Variants in CBL observed in about 807,000 individuals in gnomAD.
CBL encodes E3 ubiquitin-protein ligase CBL.
A neutral mutation model predicts 96.9 loss-of-function variants in CBL; 45 were observed. That is an observed-to-expected ratio of 0.46 (90% CI 0.37 to 0.60). CBL has a LOEUF of 0.60. Ranked by LOEUF, CBL falls within the 20% of genes least tolerant of loss-of-function variation. The pLI is 0.00. For missense variants in CBL, 1,024 were observed against 1,143.5 expected (o/e 0.90, Z 1.51); for synonymous variants, 420 against 426.8 (o/e 0.98, Z 0.20).
chr11:119,282,322 G>A (rs913219930), intron 9 of CBL, among the ~76,000 whole-genome samples: 61 of 148,892 alleles, frequency 4.1e-4, no homozygotes, highest in African/African-American at 1.4e-3. Flanking sequence ...TGGGCAACAA[G>A]AGTGAGACTC....
intron 1 of CBL, among the ~76,000 whole-genome samples, chr11:119,227,069 T>C (rs1214153275): frequency 6.6e-6 from 1 of 152,226 alleles, no homozygotes; most frequent in African/African-American, 2.4e-5. Flanking sequence ...GACTTTATGA[T>C]GGTGCAAAAG....
Position 119,252,885 on chromosome 11 carries a change from A to G in CBL, c.444-18850A>G, listed in dbSNP as rs571630618. The stretch of plus-strand genomic sequence containing the variant: ...AGTAAAAGTGAAACTCCATCTCAAG[A>G]AAAAAAAAAAAAAAAGATTAAAAAA... On this transcript the variant is annotated intron_variant, in intron 2 of 15. Transcript: ENST00000264033. 2.3e-3 allele frequency among the ~76,000 whole-genome samples: 315 copies of G among 135,980 alleles called. 1 individual carries two copies. Among genetic ancestry groups the G allele is most frequent in the Non-Finnish European group, 3.6e-3 (231 of 64,022 alleles). The allele number at this position is 135,980 out of a possible 152,430, so 89.2% of individuals were successfully genotyped here. A position where few individuals can be genotyped will look rare whatever the true frequency, so the allele number is the denominator to read the frequency against.
rs2135244100 is a variant in CBL at position 119,206,494 on chromosome 11, T to C, written c.77T>C (p.Ile26Thr). The C allele has an allele frequency of 6.4e-7, 1 of 1,570,428 alleles. No individual in the cohort carries two copies. The highest frequency in any genetic ancestry group is 8.6e-7 in the Non-Finnish European group (1 of 1,160,204). ...GSGGSGSGGLIGLMKDAFQPH... is the reference protein window; with the variant it reads ...GSGGSGSGGLTGLMKDAFQPH... ...GGGGGCTCGGGTTCGGGTGGCCTGA[T>C]TGGGCTCATGAAGGACGCCTTCCAG... Residue 26 changes from isoleucine (I) to threonine (T), a missense_variant, in exon 1 of 16, where the codon ATT (isoleucine) becomes ACT (threonine). Around this residue, in one of 4 missense-constraint regions of CBL, gnomAD observed 114 missense variants for 117.4 expected, o/e 0.97. Transcript: ENST00000264033.
At chr11:119,264,428 C>CTTCTCTTCTCTTCTCTTCTCTTCT (rs1565868319) in intron 2 of CBL, among the ~76,000 whole-genome samples, 6 of 105,922 alleles carry the variant, frequency 5.7e-5, no homozygotes, top group Non-Finnish European at 1.0e-4. Context: ...CTTCTCTTCT[C>CTTCTCTTCTCTTCTCTTCTCTTCT]TTCTCTTCTC....
At chr11:119,262,006 T>G (rs150210513) in intron 2 of CBL, among the ~76,000 whole-genome samples, 1 of 152,286 alleles carries the variant, frequency 6.6e-6, no homozygotes, top group Non-Finnish European at 1.5e-5. Flanking sequence ...TGTGGAGAAG[T>G]AAATATTTTT....
At chr11:119,266,436 A>G (rs1949803831) in intron 2 of CBL, among the ~76,000 whole-genome samples, 1 of 152,178 alleles carries the variant, frequency 6.6e-6, no homozygotes, top group South Asian at 2.1e-4. Context: ...TGAAGCTAAA[A>G]CAATAGCTAT....
In CBL at chr11:119,235,563, G is replaced by A. The variant is rs541830468; in HGVS notation, c.443+2868G>A. On this transcript the variant is annotated intron_variant, in intron 2 of 15. Transcript: ENST00000264033. ...AGAGGAGGGGTTGGCTGCTGTCTTG[G>A]TACTGAAAATTCCAGTACTGGTTTT... 7.9e-5 allele frequency among the ~76,000 whole-genome samples: 12 copies of A among 152,200 alleles called. No homozygotes were observed. The East Asian group carries it at 2.3e-3, about 29-fold the overall frequency.
At position 119,307,340 on chromosome 11, in the gene CBL, C is replaced by G. The variant is rs1052121; in HGVS notation, c.*7559C>G. On this transcript the variant is annotated 3_prime_UTR_variant, in exon 16 of 16. Coordinates refer to ENST00000264033, the MANE Select transcript of CBL (RefSeq NM_005188.4). ...GATGACATTAATTACCTAGTTGTGT[C>G]GAGGAGTATAGGATGGACTCTCCTG... The G allele has an allele frequency of 0.4, 92,912 of 232,564 alleles. 21,313 individuals are homozygous for G. Among genetic ancestry groups the G allele is most frequent in the African/African-American group, 0.7 (31,631 of 45,304 alleles). The allele number at this position is 232,564 out of a possible 1,614,324, so 14.4% of individuals were successfully genotyped here. A position where few individuals can be genotyped will look rare whatever the true frequency, so the allele number is the denominator to read the frequency against.
At chr11:119,235,082 C>G (rs1426146205) in intron 2 of CBL, among the ~76,000 whole-genome samples, 1 of 152,060 alleles carries the variant, frequency 6.6e-6, no homozygotes, top group Non-Finnish European at 1.5e-5. Flanking sequence ...TGTCATAGAA[C>G]AGGTTTATTT....
chr11:119,287,378 G>A (rs944630819), intron 11 of CBL, among the ~76,000 whole-genome samples: 4 of 152,200 alleles, frequency 2.6e-5, no homozygotes, highest in Admixed American at 1.3e-4. Context: ...GAGGCAGAAT[G>A]GGAAGAGTGA....
At chr11:119,238,311 G>A (rs1237617377) in intron 2 of CBL, among the ~76,000 whole-genome samples, 1 of 151,610 alleles carries the variant, frequency 6.6e-6, no homozygotes, top group South Asian at 2.1e-4. Flanking sequence ...CCGGGTTCAA[G>A]CGATTCTCCT....
intron 1 of CBL, among the ~76,000 whole-genome samples, chr11:119,227,655 A>G (rs1030361742): frequency 9.2e-5 from 14 of 151,906 alleles, no homozygotes; most frequent in Admixed American, 3.9e-4. Context: ...GGTTCAAGCA[A>G]TTCTCCTGCC....
intron 2 of CBL, among the ~76,000 whole-genome samples, chr11:119,250,263 A>AT (rs1306154896): frequency 2.0e-5 from 3 of 152,118 alleles, no homozygotes; most frequent in East Asian, 1.9e-4. Flanking sequence ...GAATTGTAAG[A>AT]TTTTTTTCCT....
intron 1 of CBL, among the ~76,000 whole-genome samples, chr11:119,230,237 C>T (rs1389158163): frequency 2.0e-5 from 3 of 151,766 alleles, no homozygotes; most frequent in African/African-American, 4.8e-5. Flanking sequence ...CTGCAAGCTC[C>T]GCCTCCTGGG....
intron 2 of CBL, among the ~76,000 whole-genome samples, chr11:119,266,930 C>T (rs899328503): frequency 2.0e-5 from 3 of 152,280 alleles, no homozygotes; most frequent in South Asian, 2.1e-4. Flanking sequence ...TTTGGAGAAT[C>T]GTTAGAACTC....
chr11:119,298,596 T>C, intron 15 of CBL, 56 bp downstream of exon 15: 1 of 1,475,478 alleles, frequency 6.8e-7, no homozygotes, highest in Non-Finnish European at 9.5e-7. Flanking sequence ...CCTGTATGTT[T>C]ATATTGAAAG....
rs2135328365 is a variant in CBL, at chr11:119,307,725, A to G, written c.*7944A>G. 1 of 223,286 alleles carries G rather than the reference A, an allele frequency of 4.5e-6. No individual in the cohort carries two copies. The highest frequency in any genetic ancestry group is 9.0e-6 in the Non-Finnish European group (1 of 111,676). The allele number at this position is 223,286 out of a possible 1,614,324, so 13.8% of individuals were successfully genotyped here. ...AAAGTCCTCCTTATTCAAGATTTTG[A>G]AATTCTTAGCCTGGGAGTGCTGGAG... On this transcript the variant is annotated 3_prime_UTR_variant, in exon 16 of 16. Coordinates refer to ENST00000264033, the MANE Select transcript of CBL (RefSeq NM_005188.4).
intron 9 of CBL, among the ~76,000 whole-genome samples, chr11:119,282,499 G>C (rs190324730): frequency 1.3e-5 from 2 of 152,170 alleles, no homozygotes; most frequent in Non-Finnish European, 2.9e-5. Flanking sequence ...AGAATGATAC[G>C]GAAGTCGAAA....
In CBL at chr11:119,231,574, G is replaced by C. The variant is rs182256387; in HGVS notation, c.196-874G>C. On this transcript the variant is annotated intron_variant, in intron 1 of 15. Transcript: ENST00000264033. The stretch of plus-strand genomic sequence containing the variant: ...AAATACAAAATTAGCCGGGCATGGT[G>C]GTGCATGCCTATAATCCCAGCTACT... Among the ~76,000 whole-genome samples, 8 of 152,084 alleles carry C rather than the reference G, an allele frequency of 5.3e-5. No individual in the cohort carries two copies. In the East Asian group the frequency reaches 1.5e-3, roughly 29 times the overall value.
Sources: gnomAD v4.1 joint callset for allele counts (sites outside exome capture counted in the v4.1 genomes callset) on GRCh38, gnomAD v4.1.1 for gene constraint, gnomAD v4.1.1 regional missense constraint, MANE v1.5 for transcripts, NCBI Gene and HGNC (gene_info 2026-07-23, HGNC 2026-07-21) for gene names.